Variants in GPC5 observed in about 807,000 individuals in gnomAD.
GPC5 encodes the protein glypican-5.
In GPC5, 47 loss-of-function variants were observed where a neutral mutation model predicts 53.9. That is an observed-to-expected ratio of 0.87 (90% confidence interval 0.69 to 1.11). GPC5 has a LOEUF of 1.11. Among genes scored for constraint, GPC5 ranks in the 50% most tolerant of loss-of-function variants. GPC5 has a pLI of 0.00. For missense variants in GPC5, 748 were observed against 713.1 expected (o/e 1.05, Z -0.56); for synonymous variants, 286 against 263.3 (o/e 1.09, Z -0.84).
At chr13:92,831,369 A>G (rs909198166) in intron 7 of GPC5, among the ~76,000 whole-genome samples, 1 of 152,138 alleles carries the variant, frequency 6.6e-6, no homozygotes, top group African/African-American at 2.4e-5. Flanking sequence ...CCAAAAGAAA[A>G]TTATTTAAAT....
chr13:92,415,727 T>C (rs907949149), intron 7 of GPC5, among the ~76,000 whole-genome samples: 1 of 151,408 alleles, frequency 6.6e-6, no homozygotes, highest in African/African-American at 2.4e-5. Context: ...TAAGTCATTG[T>C]AGTGAGCTAC....
intron 7 of GPC5, among the ~76,000 whole-genome samples, chr13:92,780,682 AT>A (rs11424512): frequency 3.3e-5 from 5 of 151,554 alleles, no homozygotes; most frequent in Admixed American, 1.3e-4. Flanking sequence ...TGCAGAAAAC[AT>A]TTTTTTTAGA....
chr13:91,857,905 T>G (rs1406168895), intron 5 of GPC5, among the ~76,000 whole-genome samples: 1 of 151,604 alleles, frequency 6.6e-6, no homozygotes, highest in African/African-American at 2.4e-5. Flanking sequence ...TTGAATGCTA[T>G]TAATTCAAAT....
chr13:91,901,346 G>C (rs933144553), intron 5 of GPC5, among the ~76,000 whole-genome samples: 1 of 151,988 alleles, frequency 6.6e-6, no homozygotes, highest in Non-Finnish European at 1.5e-5. Flanking sequence ...ATCACAAAAG[G>C]CTTAATCATT....
At chr13:92,232,127 T>G (rs899089261) in intron 7 of GPC5, among the ~76,000 whole-genome samples, 6 of 152,184 alleles carry the variant, frequency 3.9e-5, no homozygotes, top group Non-Finnish European at 7.3e-5. Context: ...CTGGTTTACC[T>G]TTGATAACTT....
chr13:92,594,128 A>T (rs1047394683), intron 7 of GPC5, among the ~76,000 whole-genome samples: 8 of 152,208 alleles, frequency 5.3e-5, no homozygotes, highest in African/African-American at 1.9e-4. Flanking sequence ...TGCCAGAAAG[A>T]TATAATTCTA....
At chr13:91,530,003 C>T (rs934129888) in intron 2 of GPC5, among the ~76,000 whole-genome samples, 1 of 152,096 alleles carries the variant, frequency 6.6e-6, no homozygotes, top group African/African-American at 2.4e-5. Context: ...GGAAGCTAAG[C>T]TCTCAAGTCT....
intron 2 of GPC5, among the ~76,000 whole-genome samples, chr13:91,621,861 G>A (rs1486964265): frequency 6.7e-6 from 1 of 150,078 alleles, no homozygotes; most frequent in African/African-American, 2.5e-5. Flanking sequence ...ACTGCAAGCT[G>A]AAGAGCAAGG....
chr13:91,572,180 C>T (rs1320656128), intron 2 of GPC5, among the ~76,000 whole-genome samples: 3 of 40,870 alleles, frequency 7.3e-5, no homozygotes, highest in Non-Finnish European at 2.6e-4. Flanking sequence ...TGTATATATA[C>T]GTGTGTATAC....
chr13:91,648,184 A>G (rs1361103985), intron 2 of GPC5, among the ~76,000 whole-genome samples: 1 of 152,158 alleles, frequency 6.6e-6, no homozygotes, highest in Non-Finnish European at 1.5e-5. Context: ...GCTTCCCTTT[A>G]GCCTTTTCAT....
intron 2 of GPC5, among the ~76,000 whole-genome samples, chr13:91,478,836 T>A (rs143576504): frequency 9.9e-6 from 1 of 100,982 alleles, no homozygotes. Flanking sequence ...CACACACACA[T>A]ATATATACAC....
intron 7 of GPC5, among the ~76,000 whole-genome samples, chr13:92,633,416 G>A (rs1885318422): frequency 6.6e-6 from 1 of 151,898 alleles, no homozygotes; most frequent in Non-Finnish European, 1.5e-5. Flanking sequence ...ACTTATAAAA[G>A]TATAGATTAA....
rs1268529814 is a variant in GPC5 at position 91,478,808 on chromosome 13, TATATATATATATATACAC to T, written c.325+29888_325+29905del. Among the ~76,000 whole-genome samples, 4 of 117,172 alleles carry T rather than the reference TATATATATATATATACAC, an allele frequency of 3.4e-5. 2 individuals carry two copies. The highest frequency in any genetic ancestry group is 1.4e-4 in the African/African-American group (4 of 28,122). The allele number at this position is 117,172 out of a possible 152,430, so 76.9% of individuals were successfully genotyped here. On this transcript the variant is annotated intron_variant, in intron 2 of 7. Coordinates refer to ENST00000377067, the MANE Select transcript of GPC5 (RefSeq NM_004466.6). Reference sequence around the variant, plus strand: ...CTCCATTTGAGTTTATATATATATATATATATATATATATACACACACACACATATATATACACATTAT... The same window carrying T: ...CTCCATTTGAGTTTATATATATATATACACACACATATATATACACATTAT...
chr13:91,503,811 A>ATCATC (rs1566457673), intron 2 of GPC5, among the ~76,000 whole-genome samples: 20 of 143,756 alleles, frequency 1.4e-4, no homozygotes, highest in African/African-American at 4.9e-4. Context: ...TAATAATAAT[A>ATCATC]ATAATAATCA....
intron 7 of GPC5, among the ~76,000 whole-genome samples, chr13:92,265,704 C>A (rs1301234952): frequency 6.6e-6 from 1 of 152,150 alleles, no homozygotes; most frequent in Non-Finnish European, 1.5e-5. Flanking sequence ...GCCCATTACC[C>A]AGCTCCAAAG....
chr13:92,234,961 A>G (rs2042559553), intron 7 of GPC5, among the ~76,000 whole-genome samples: 1 of 152,216 alleles, frequency 6.6e-6, no homozygotes, highest in African/African-American at 2.4e-5. Flanking sequence ...GTAGAAAGAT[A>G]CAAATAAATC....
intron 5 of GPC5, among the ~76,000 whole-genome samples, chr13:91,822,996 A>G (rs2038519895): frequency 6.6e-6 from 1 of 152,152 alleles, no homozygotes; most frequent in African/African-American, 2.4e-5. Flanking sequence ...TCATTTATTT[A>G]TACCCAAATA....
intron 5 of GPC5, among the ~76,000 whole-genome samples, chr13:91,843,185 T>A (rs1166726142): frequency 1.3e-5 from 2 of 152,198 alleles, no homozygotes; most frequent in Admixed American, 6.5e-5. Flanking sequence ...TGATTAATGA[T>A]CCTCATGTTT....
At chr13:92,699,020 C>T (rs562246526) in intron 7 of GPC5, among the ~76,000 whole-genome samples, 2 of 152,092 alleles carry the variant, frequency 1.3e-5, no homozygotes, top group South Asian at 4.2e-4. Flanking sequence ...GTTTTTGTAC[C>T]TCTGGTAGCA....
Sources: allele counts gnomAD v4.1 joint callset (sites outside exome capture counted in the v4.1 genomes callset), GRCh38; gene constraint gnomAD v4.1.1; transcripts MANE v1.5; gene names NCBI Gene and HGNC (gene_info 2026-07-23, HGNC 2026-07-21).